Variants in SMARCA2 observed in about 807,000 individuals in gnomAD.
SMARCA2 encodes SWI/SNF-related matrix-associated actin-dependent regulator of chromatin subfamily A member 2.
SMARCA2 carries 61 observed loss-of-function variants against 199.8 expected under a neutral mutation model. That is an observed-to-expected ratio of 0.31 (90% confidence interval 0.25 to 0.38). The LOEUF (loss-of-function observed/expected upper bound fraction) is 0.38. SMARCA2 is among the 10% of genes least tolerant of loss of function. The pLI, the probability that SMARCA2 is intolerant of heterozygous loss-of-function variation, is 1.00. For synonymous variants in SMARCA2, 935 were observed against 732.0 expected (o/e 1.28, Z -4.48); for missense variants, 1,344 against 2,012.2 (o/e 0.67, Z 6.35).
intron 30 of SMARCA2, 152 bp downstream of exon 30, chr9:2,181,828 T>G (rs1211005442): frequency 8.1e-6 from 5 of 620,756 alleles, no homozygotes; most frequent in Non-Finnish European, 1.2e-5. Context: ...TTTCCGTGAG[T>G]GTTACTTAAT....
intron 29 of SMARCA2, among the ~76,000 whole-genome samples, chr9:2,171,637 G>T (rs936057692): frequency 7.9e-5 from 12 of 152,222 alleles, no homozygotes; most frequent in Non-Finnish European, 1.3e-4. Flanking sequence ...TTATGAGAAA[G>T]AACTCAGTCT....
At chr9:2,062,642 A>C (rs1049358058) in intron 9 of SMARCA2, among the ~76,000 whole-genome samples, 1 of 152,136 alleles carries the variant, frequency 6.6e-6, no homozygotes, top group Non-Finnish European at 1.5e-5. Flanking sequence ...CCTTGCCTTC[A>C]ATTTGGTAAT....
chr9:2,156,527 T>C (rs1586765287), intron 27 of SMARCA2, among the ~76,000 whole-genome samples: 1 of 143,706 alleles, frequency 7.0e-6, no homozygotes, highest in South Asian at 2.2e-4. Flanking sequence ...CCTCCCGAGG[T>C]TCAAGCAATT....
chr9:2,130,711 A>G (rs1384621164), intron 27 of SMARCA2, among the ~76,000 whole-genome samples: 4 of 152,004 alleles, frequency 2.6e-5, no homozygotes, highest in African/African-American at 4.8e-5. Flanking sequence ...ACATACATAC[A>G]TATATATATA....
chr9:2,186,446 G>A (rs1424732349), intron 32 of SMARCA2, among the ~76,000 whole-genome samples: 1 of 152,194 alleles, frequency 6.6e-6, no homozygotes. Context: ...TGACCTCCAA[G>A]CATGTAAAAT....
At chr9:2,045,716 C>T (rs986107488) in intron 4 of SMARCA2, 5 of 151,672 alleles carry the variant, frequency 3.3e-5, no homozygotes, top group East Asian at 1.9e-4. Flanking sequence ...TCATCAACCC[C>T]GAGAACCACT....
chr9:2,076,281 A>G lies in SMARCA2; in HGVS notation c.1988A>G (p.Asp663Gly). 6.2e-7 allele frequency: 1 copy of G among 1,613,306 alleles called. No individual in the cohort carries two copies. The highest frequency in any genetic ancestry group is 8.5e-7 in the Non-Finnish European group (1 of 1,179,216). Reference sequence around the variant, plus strand: ...GAAACCGAAGAGAAAATACTCCTGGATCCAAATAGCGAAGAAGTTTCTGAG... The same window carrying G: ...GAAACCGAAGAGAAAATACTCCTGGGTCCAAATAGCGAAGAAGTTTCTGAG... ...RQETEEKILL[D>G]PNSEEVSEKD... Residue 663 changes from aspartate (D) to glycine (G), a missense_variant, in exon 13 of 34, where the codon GAT becomes GGT. Physicochemically the swap from Asp to Gly is moderately conservative, Grantham distance 94. This residue lies in a region of SMARCA2 where 106 missense variants were observed against 179.7 expected (regional missense o/e 0.59). Transcript: ENST00000349721.
At chr9:2,158,001 A>G (rs1825458078) in intron 27 of SMARCA2, 2 of 396,384 alleles carry the variant, frequency 5.0e-6, no homozygotes, top group South Asian at 1.3e-4. Context: ...CTAATCCTGC[A>G]TGACTGTCTC....
chr9:2,163,219 A>G (rs775617273), intron 28 of SMARCA2, among the ~76,000 whole-genome samples: 4 of 152,222 alleles, frequency 2.6e-5, no homozygotes, highest in Non-Finnish European at 4.4e-5. Context: ...TCAAAAGGCC[A>G]GAAATTCTTG....
intron 5 of SMARCA2, among the ~76,000 whole-genome samples, chr9:2,051,655 A>G (rs552426337): frequency 1.3e-5 from 2 of 152,238 alleles, no homozygotes; most frequent in Non-Finnish European, 2.9e-5. Context: ...TCAGAATACC[A>G]AGGGATAGTT....
At chr9:2,051,108 T>C (rs1187968181) in intron 5 of SMARCA2, among the ~76,000 whole-genome samples, 1 of 152,174 alleles carries the variant, frequency 6.6e-6, no homozygotes, top group Non-Finnish European at 1.5e-5. Context: ...GAGAGGAACA[T>C]TATTTAAAAT....
chr9:2,130,277 A>G (rs1023097024), intron 27 of SMARCA2, among the ~76,000 whole-genome samples: 2 of 152,150 alleles, frequency 1.3e-5, no homozygotes, highest in Non-Finnish European at 2.9e-5. Context: ...TTACGTGGCA[A>G]CTTCCTGTTC....
chr9:2,109,752 T>C (rs1822912575), intron 23 of SMARCA2, among the ~76,000 whole-genome samples: 1 of 152,244 alleles, frequency 6.6e-6, no homozygotes, highest in African/African-American at 2.4e-5. Flanking sequence ...TACTTAGTAG[T>C]AATCCAAATG....
At chr9:2,057,187 C>A (rs1003444371) in intron 7 of SMARCA2, among the ~76,000 whole-genome samples, 3 of 152,196 alleles carry the variant, frequency 2.0e-5, no homozygotes, top group Non-Finnish European at 4.4e-5. Flanking sequence ...AGGCTGGAAG[C>A]CTGAGATCAG....
At chr9:2,020,972 A>G (rs895877179) in intron 1 of SMARCA2, among the ~76,000 whole-genome samples, 1 of 152,188 alleles carries the variant, frequency 6.6e-6, no homozygotes, top group Non-Finnish European at 1.5e-5. Context: ...GAAGCCTAGT[A>G]TGAATTAGGA....
At chr9:2,140,835 C>T (rs772467857) in intron 27 of SMARCA2, among the ~76,000 whole-genome samples, 2 of 152,026 alleles carry the variant, frequency 1.3e-5, no homozygotes, top group East Asian at 1.9e-4. Flanking sequence ...AGCCCCTGCC[C>T]GTTAGTGGTA....
At chr9:2,118,520 A>C (rs901818426) in intron 25 of SMARCA2, among the ~76,000 whole-genome samples, 1 of 152,172 alleles carries the variant, frequency 6.6e-6, no homozygotes, top group African/African-American at 2.4e-5. Context: ...GGATGTCTGA[A>C]GTTCTGTGTT....
intron 33 of SMARCA2, chr9:2,192,052 C>T (rs1827923315): frequency 1.3e-5 from 2 of 154,648 alleles, no homozygotes; most frequent in Admixed American, 1.3e-4. Context: ...GATCACGTCG[C>T]AGAGGTGGAA....
At chr9:2,064,735 C>G (rs1313855923) in intron 9 of SMARCA2, among the ~76,000 whole-genome samples, 1 of 152,164 alleles carries the variant, frequency 6.6e-6, no homozygotes, top group Non-Finnish European at 1.5e-5. Context: ...ACCCTGTTCC[C>G]CCAACTCCTA....
Sources: gnomAD v4.1 joint callset for allele counts (sites outside exome capture counted in the v4.1 genomes callset) on GRCh38, gnomAD v4.1.1 for gene constraint, gnomAD v4.1.1 regional missense constraint, MANE v1.5 for transcripts, NCBI Gene and HGNC (gene_info 2026-07-23, HGNC 2026-07-21) for gene names.